NXPH2: variants seen among roughly 807,000 people sequenced by gnomAD.
NXPH2 encodes neurexophilin 2.
In NXPH2, 5 loss-of-function variants were observed where a neutral mutation model predicts 19.8. The observed-to-expected ratio is 0.25, with a 90% CI of 0.13 to 0.53. The LOEUF (loss-of-function observed/expected upper bound fraction) is 0.53. Among genes scored for constraint, NXPH2 ranks in the 20% least tolerant of loss-of-function variants. The pLI is 0.96. For missense variants in NXPH2, 289 were observed against 322.8 expected, an observed-to-expected ratio of 0.90 and a Z score of 0.80; for synonymous variants, 154 against 127.4, an observed-to-expected ratio of 1.21 and a Z score of -1.41.
intron 1 of NXPH2, among the ~76,000 whole-genome samples, chr2:138,779,381 G>A (rs992484308): frequency 6.6e-6 from 1 of 152,176 alleles, no homozygotes; most frequent in African/African-American, 2.4e-5. Context: ...ATAGAACATA[G>A]GCGTATATCA....
chr2:138,680,354 C>T (rs1680554463), intron 1 of NXPH2, among the ~76,000 whole-genome samples: 1 of 152,214 alleles, frequency 6.6e-6, no homozygotes, highest in South Asian at 2.1e-4. Flanking sequence ...GAGGTGAATA[C>T]TGCACCCCAG....
intron 1 of NXPH2, among the ~76,000 whole-genome samples, chr2:138,697,765 A>G (rs1186358327): frequency 6.6e-6 from 1 of 151,900 alleles, no homozygotes; most frequent in African/African-American, 2.4e-5. Flanking sequence ...AAACTAATAG[A>G]TAAATAATCA....
At chr2:138,697,761 AT>A (rs1202214372) in intron 1 of NXPH2, among the ~76,000 whole-genome samples, 1 of 151,924 alleles carries the variant, frequency 6.6e-6, no homozygotes, top group Non-Finnish European at 1.5e-5. Flanking sequence ...TAATAAACTA[AT>A]AGATAAATAA....
At chr2:138,671,775 T>C (rs1680420828) in intron 1 of NXPH2, 110 bp from the exon 2 acceptor site, 2 of 1,127,432 alleles carry the variant, frequency 1.8e-6, no homozygotes, top group Non-Finnish European at 2.4e-6. Context: ...TAGATTCTTG[T>C]TCGACAGCAT....
chr2:138,702,632 A>T (rs1680947569), intron 1 of NXPH2, among the ~76,000 whole-genome samples: 1 of 151,922 alleles, frequency 6.6e-6, no homozygotes, highest in African/African-American at 2.4e-5. Context: ...AAGAGAAAAA[A>T]TGATAGAAAT....
chr2:138,707,670 C>T (rs1681038542), intron 1 of NXPH2, among the ~76,000 whole-genome samples: 2 of 152,162 alleles, frequency 1.3e-5, no homozygotes, highest in Admixed American at 6.5e-5. Flanking sequence ...ATATTGATGA[C>T]TCACAACTTT....
At chr2:138,774,955 A>T (rs1211461367) in intron 1 of NXPH2, among the ~76,000 whole-genome samples, 1 of 152,238 alleles carries the variant, frequency 6.6e-6, no homozygotes, top group African/African-American at 2.4e-5. Context: ...ACTTAAAATT[A>T]TGTAAGTGCA....
chr2:138,698,953 C>T (rs552460561), intron 1 of NXPH2, among the ~76,000 whole-genome samples: 7 of 151,948 alleles, frequency 4.6e-5, no homozygotes, highest in African/African-American at 1.7e-4. Flanking sequence ...CTTTGATGCC[C>T]GGAGAGTAAA....
chr2:138,739,579 C>T (rs983418836), intron 1 of NXPH2, among the ~76,000 whole-genome samples: 1 of 152,064 alleles, frequency 6.6e-6, no homozygotes, highest in Non-Finnish European at 1.5e-5. Flanking sequence ...AGGGGGATCA[C>T]GGGAGGCAAG....
In NXPH2 at chr2:138,707,094, C is replaced by CAAAAAAAAAAAAAAAAA. The variant is rs70982073; in HGVS notation, c.52-35446_52-35430dup. Among the ~76,000 whole-genome samples the CAAAAAAAAAAAAAAAAA allele has an allele frequency of 3.7e-3, 127 of 34,776 alleles. 12 individuals carry two copies. Among genetic ancestry groups the CAAAAAAAAAAAAAAAAA allele is most frequent in the African/African-American group, 8.3e-3 (103 of 12,480 alleles). 22.8% of individuals were successfully genotyped at this position (34,776 alleles called of 152,430 possible). A position where few individuals can be genotyped will look rare whatever the true frequency, so the allele number is the denominator to read the frequency against. ...ATGACTTTAAGTACTTGCCCCATGA[C>CAAAAAAAAAAAAAAAAA]AAAAAAAAAAAAAAAAAAGAGCAAG... On this transcript the variant is annotated intron_variant, in intron 1 of 1. Coordinates refer to ENST00000272641, the MANE Select transcript of NXPH2 (RefSeq NM_007226.3).
At chr2:138,747,423 C>A (rs1681755940) in intron 1 of NXPH2, among the ~76,000 whole-genome samples, 1 of 152,114 alleles carries the variant, frequency 6.6e-6, no homozygotes, top group Non-Finnish European at 1.5e-5. Context: ...CACTGAAGGT[C>A]CAACTGGAAA....
At position 138,728,152 on chromosome 2, in the gene NXPH2, TGC is replaced by T. The variant is rs914285820; in HGVS notation, c.51+52037_51+52038del. The stretch of plus-strand genomic sequence containing the variant: ...GTCTTAAGAGAAGAAGACACCAGAG[TGC>T]GCTCTCTCTCTCTCTCTCTCTCTCT... On this transcript the variant is annotated intron_variant, in intron 1 of 1. Coordinates refer to ENST00000272641, the MANE Select transcript of NXPH2 (RefSeq NM_007226.3). 5.9e-4 allele frequency among the ~76,000 whole-genome samples: 29 copies of T among 49,354 alleles called. No individual in the cohort carries two copies. In the Admixed American group the frequency reaches 6.9e-3, roughly 12 times the overall value. The allele number at this position is 49,354 out of a possible 152,430, so 32.4% of individuals were successfully genotyped here. A position where few individuals can be genotyped will look rare whatever the true frequency, so the allele number is the denominator to read the frequency against.
intron 1 of NXPH2, among the ~76,000 whole-genome samples, chr2:138,733,213 A>C (rs910274384): frequency 1.3e-5 from 2 of 152,222 alleles, no homozygotes; most frequent in Non-Finnish European, 2.9e-5. Context: ...CTATTGAATA[A>C]AAAGTTTCTG....
At chr2:138,703,139 T>C (rs1326834763) in intron 1 of NXPH2, among the ~76,000 whole-genome samples, 3 of 152,210 alleles carry the variant, frequency 2.0e-5, no homozygotes, top group Admixed American at 2.0e-4. Context: ...ACCCAGTGAC[T>C]GAACTGTTAA....
intron 1 of NXPH2, among the ~76,000 whole-genome samples, chr2:138,760,440 T>G (rs1259805222): frequency 6.6e-6 from 1 of 152,180 alleles, no homozygotes. Context: ...AAGATATATA[T>G]AGAACAGAGA....
chr2:138,709,985 T>G lies in NXPH2; in HGVS notation c.52-38320A>C, dbSNP rs144192779. On this transcript the variant is annotated intron_variant, in intron 1 of 1. Coordinates refer to ENST00000272641, the MANE Select transcript of NXPH2 (RefSeq NM_007226.3). Reference sequence around the variant, plus strand: ...GTACAATTCAGTGGCATTACTTGTATTCACAATATTGTGCAACCATCACAA... The same window carrying G: ...GTACAATTCAGTGGCATTACTTGTAGTCACAATATTGTGCAACCATCACAA... Among the ~76,000 whole-genome samples the G allele has an allele frequency of 3.9e-5, 6 of 152,332 alleles. No homozygotes were observed. In the East Asian group the frequency reaches 1.2e-3, roughly 29 times the overall value.
chr2:138,674,963 C>T (rs1461752879), intron 1 of NXPH2, among the ~76,000 whole-genome samples: 1 of 152,214 alleles, frequency 6.6e-6, no homozygotes, highest in African/African-American at 2.4e-5. Context: ...TCTCTATTCC[C>T]TGATTTGGTA....
chr2:138,772,164 T>C (rs972153190), intron 1 of NXPH2, among the ~76,000 whole-genome samples: 24 of 152,250 alleles, frequency 1.6e-4, no homozygotes, highest in Non-Finnish European at 1.2e-4. Flanking sequence ...ATAGGTGAGA[T>C]CCTGAAAAGT....
At chr2:138,730,948 C>A (rs1175714521) in intron 1 of NXPH2, among the ~76,000 whole-genome samples, 1 of 152,172 alleles carries the variant, frequency 6.6e-6, no homozygotes, top group Non-Finnish European at 1.5e-5. Flanking sequence ...CTAGTATCCT[C>A]TTCCCATGCC....
Sources: allele counts gnomAD v4.1 joint callset (sites outside exome capture counted in the v4.1 genomes callset), GRCh38; gene constraint gnomAD v4.1.1; transcripts MANE v1.5; gene names NCBI Gene and HGNC (gene_info 2026-07-23, HGNC 2026-07-21).